RUNDC3B: variants seen among roughly 807,000 people sequenced by gnomAD.
The protein encoded by RUNDC3B is RUN domain containing 3B.
A neutral mutation model predicts 58.4 loss-of-function variants in RUNDC3B; 33 were observed. That is an observed-to-expected ratio of 0.56 (90% CI 0.43 to 0.75). RUNDC3B has a LOEUF of 0.75. Among genes scored for constraint, RUNDC3B ranks in the 30% least tolerant of loss-of-function variants. The pLI is 0.00. For missense variants in RUNDC3B, 501 were observed against 535.7 expected (o/e 0.94, Z 0.64); for synonymous variants, 193 against 195.2 (o/e 0.99, Z 0.10).
chr7:87,637,110 C>T (rs763764840), intron 1 of RUNDC3B, among the ~76,000 whole-genome samples: 3 of 152,140 alleles, frequency 2.0e-5, no homozygotes, highest in Non-Finnish European at 4.4e-5. Flanking sequence ...CCATCTGCTC[C>T]CTCCCATGAT....
At chr7:87,648,355 G>A (rs1823237407) in intron 1 of RUNDC3B, among the ~76,000 whole-genome samples, 1 of 152,000 alleles carries the variant, frequency 6.6e-6, no homozygotes, top group African/African-American at 2.4e-5. Flanking sequence ...GGAGGCAAAT[G>A]TTCATATAAA....
intron 7 of RUNDC3B, among the ~76,000 whole-genome samples, chr7:87,776,504 A>G (rs1465404782): frequency 6.6e-6 from 1 of 152,138 alleles, no homozygotes; most frequent in Non-Finnish European, 1.5e-5. Flanking sequence ...TAAAACTGGA[A>G]AGAAAAGTAA....
At chr7:87,805,949 A>T (rs1000532988) in intron 8 of RUNDC3B, among the ~76,000 whole-genome samples, 2 of 152,170 alleles carry the variant, frequency 1.3e-5, no homozygotes, top group East Asian at 1.9e-4. Context: ...CAGTCTTAAA[A>T]TTTTCCCAGC....
chr7:87,632,710 C>T (rs942524412), intron 1 of RUNDC3B, among the ~76,000 whole-genome samples: 2 of 151,894 alleles, frequency 1.3e-5, no homozygotes, highest in African/African-American at 4.8e-5. Flanking sequence ...TTTTTTCTGT[C>T]CTTTATAAGC....
At chr7:87,715,451 AATTAT>A (rs1248895695) in intron 4 of RUNDC3B, among the ~76,000 whole-genome samples, 17 of 129,808 alleles carry the variant, frequency 1.3e-4, no homozygotes, top group East Asian at 8.0e-4. Context: ...TATAATATAT[AATTAT>A]ATTATATTAA....
intron 4 of RUNDC3B, among the ~76,000 whole-genome samples, chr7:87,736,873 ATATATATATATATATATTTTTTTTTTT>A (rs1249711902): frequency 2.1e-4 from 8 of 37,640 alleles, no homozygotes; most frequent in Admixed American, 1.2e-3. Flanking sequence ...ATATATATAT[ATATATATATATATATATTTTTTTTTTT>A]TTTTTTTTTT....
chr7:87,748,832 G>T (rs561666775), intron 6 of RUNDC3B, among the ~76,000 whole-genome samples: 21 of 152,312 alleles, frequency 1.4e-4, no homozygotes, highest in Admixed American at 1.2e-3. Flanking sequence ...GAAGAATAGA[G>T]TGTAATGACA....
At chr7:87,643,673 G>A (rs993621595) in intron 1 of RUNDC3B, among the ~76,000 whole-genome samples, 4 of 146,056 alleles carry the variant, frequency 2.7e-5, no homozygotes, top group Admixed American at 6.8e-5. Context: ...GGTGCATGCC[G>A]CCATGCTCAG....
chr7:87,753,935 G>T (rs1232531175), intron 6 of RUNDC3B, among the ~76,000 whole-genome samples: 1 of 152,148 alleles, frequency 6.6e-6, no homozygotes, highest in Non-Finnish European at 1.5e-5. Flanking sequence ...AATTTACCAA[G>T]ACAGTTATAT....
chr7:87,636,574 C>T lies in RUNDC3B; in HGVS notation c.122+7629C>T, dbSNP rs576727298. Among the ~76,000 whole-genome samples, 10 of 152,252 alleles carry T rather than the reference C, an allele frequency of 6.6e-5. No homozygotes were observed. The South Asian group carries it at 1.7e-3, about 25-fold the overall frequency. On this transcript the variant is annotated intron_variant, in intron 1 of 10. Coordinates refer to ENST00000394654, the MANE Select transcript of RUNDC3B (RefSeq NM_001134405.2). ...AGAAATTTCTGATTGTAAAATGGCC[C>T]ATAAATTTCCTTCATGGTTAATGCT...
At chr7:87,701,269 A>C (rs913223497) in intron 3 of RUNDC3B, among the ~76,000 whole-genome samples, 8 of 152,224 alleles carry the variant, frequency 5.3e-5, no homozygotes, top group Non-Finnish European at 1.0e-4. Context: ...TTCTCAAAAA[A>C]AGAAGAAAGA....
intron 2 of RUNDC3B, among the ~76,000 whole-genome samples, chr7:87,656,681 T>C (rs1430317175): frequency 6.6e-6 from 1 of 152,046 alleles, no homozygotes; most frequent in Non-Finnish European, 1.5e-5. Context: ...AATTGATAGT[T>C]TAAAAAAAAC....
At chr7:87,762,442 T>C (rs1833744658) in intron 6 of RUNDC3B, among the ~76,000 whole-genome samples, 1 of 151,400 alleles carries the variant, frequency 6.6e-6, no homozygotes, top group African/African-American at 2.4e-5. Context: ...CAGTAAAGTC[T>C]ATAAAATAGA....
chr7:87,636,126 A>G (rs1821743233), intron 1 of RUNDC3B, among the ~76,000 whole-genome samples: 1 of 152,220 alleles, frequency 6.6e-6, no homozygotes, highest in Admixed American at 6.5e-5. Flanking sequence ...GTCATATGGC[A>G]TGCAGATATT....
At chr7:87,685,973 C>T (rs896280468) in intron 2 of RUNDC3B, among the ~76,000 whole-genome samples, 2 of 152,122 alleles carry the variant, frequency 1.3e-5, no homozygotes, top group Non-Finnish European at 2.9e-5. Context: ...AAAGAAGTCC[C>T]AAGGAATACT....
chr7:87,735,422 A>G (rs958493574), intron 4 of RUNDC3B, among the ~76,000 whole-genome samples: 7 of 152,142 alleles, frequency 4.6e-5, no homozygotes, highest in African/African-American at 1.7e-4. Flanking sequence ...TTAAAAGTAA[A>G]AGAGATTATG....
In RUNDC3B at chr7:87,796,417, CAAT is replaced by C. The variant is rs746427166; in HGVS notation, c.957-10949_957-10947del. On this transcript the variant is annotated intron_variant, in intron 8 of 10. Transcript: ENST00000394654. ...ATTTGATAGTACAACAGATTATAGT[CAAT>C]AATAATCTTATTTTATATTTAAAAA... Among the ~76,000 whole-genome samples, 144 of 151,856 alleles carry C rather than the reference CAAT, an allele frequency of 9.5e-4. 2 individuals are homozygous for C. Among genetic ancestry groups the C allele is most frequent in the Non-Finnish European group, 1.9e-3 (129 of 67,918 alleles).
intron 6 of RUNDC3B, among the ~76,000 whole-genome samples, chr7:87,754,943 CAAAA>C (rs35896180): frequency 2.7e-5 from 2 of 73,378 alleles, no homozygotes; most frequent in South Asian, 5.2e-4. Context: ...GCTTACCAAC[CAAAA>C]AAAAAAAAAA....
At chr7:87,651,022 A>ATTT in intron 2 of RUNDC3B, 85 bp downstream of exon 2, 1 of 744,454 alleles carries the variant, frequency 1.3e-6, no homozygotes, top group Non-Finnish European at 2.3e-6. Context: ...AGTCTGTGTG[A>ATTT]CTTAGATAGC....
Sources: gnomAD v4.1 joint callset for allele counts (sites outside exome capture counted in the v4.1 genomes callset) on GRCh38, gnomAD v4.1.1 for gene constraint, MANE v1.5 for transcripts, NCBI Gene and HGNC (gene_info 2026-07-23, HGNC 2026-07-21) for gene names.